The following MAP3K21 variants were observed in gnomAD, a reference collection of about 807,000 sequenced individuals.
MAP3K21 encodes the protein mitogen-activated protein kinase kinase kinase 21.
A neutral mutation model predicts 86.1 loss-of-function variants in MAP3K21; 63 were observed. The ratio of observed to expected loss-of-function variants is 0.73; its 90% CI spans 0.60 to 0.90. MAP3K21 has a LOEUF of 0.90. Ranked by LOEUF, MAP3K21 falls within the 40% of genes least tolerant of loss-of-function variation. The pLI is 0.00. For synonymous variants in MAP3K21, 558 were observed against 564.8 expected (o/e 0.99, Z 0.17); for missense variants, 1,220 against 1,367.7 (o/e 0.89, Z 1.70).
At chr1:233,376,822 A>C (rs1663806588) in intron 8 of MAP3K21, among the ~76,000 whole-genome samples, 1 of 152,208 alleles carries the variant, frequency 6.6e-6, no homozygotes, top group Admixed American at 6.5e-5. Context: ...GGGAAATATT[A>C]GATGTAAAAA....
chr1:233,334,727 G>C (rs1662880271), intron 1 of MAP3K21, among the ~76,000 whole-genome samples: 1 of 152,194 alleles, frequency 6.6e-6, no homozygotes, highest in Non-Finnish European at 1.5e-5. Flanking sequence ...GAGTAGTGTA[G>C]TATGATCTGC....
At chr1:233,333,014 TA>T (rs1249392573) in intron 1 of MAP3K21, among the ~76,000 whole-genome samples, 1 of 152,222 alleles carries the variant, frequency 6.6e-6, no homozygotes, top group Non-Finnish European at 1.5e-5. Flanking sequence ...ACAATAGTTG[TA>T]TTTATTATGA....
chr1:233,368,443 C>G (rs1339459408), intron 5 of MAP3K21, among the ~76,000 whole-genome samples: 1 of 152,002 alleles, frequency 6.6e-6, no homozygotes, highest in Admixed American at 6.6e-5. Context: ...TGCTTGAGCC[C>G]AGGAGTTCAA....
At chr1:233,367,858 T>TC (rs1254981068) in intron 5 of MAP3K21, among the ~76,000 whole-genome samples, 206 of 82,474 alleles carry the variant, frequency 2.5e-3, no homozygotes, top group African/African-American at 8.3e-3. Flanking sequence ...AGACTCCGTC[T>TC]CAAAAAAAAA....
intron 3 of MAP3K21, 39 bp from the exon 4 acceptor site, chr1:233,354,797 G>C (rs2049182): frequency 1.2e-5 from 18 of 1,560,456 alleles, no homozygotes; most frequent in East Asian, 2.2e-5. Flanking sequence ...TCTAAACTGC[G>C]TTGAGAGATG....
rs977617409 is a variant in MAP3K21, at chr1:233,328,005, C to T, written c.-24C>T. 14 of 1,251,464 alleles carry T rather than the reference C, an allele frequency of 1.1e-5. No homozygotes were observed. Among genetic ancestry groups the T allele is most frequent in the Non-Finnish European group, 1.3e-5 (13 of 999,688 alleles). The allele number at this position is 1,251,464 out of a possible 1,614,324, so 77.5% of individuals were successfully genotyped here. Reference sequence around the variant, plus strand: ...GGAGGCTGAGCCCAGCTTCCCGCTCCGCCTTCCCCGCGCAGCTGCCCCCAT... The same window carrying T: ...GGAGGCTGAGCCCAGCTTCCCGCTCTGCCTTCCCCGCGCAGCTGCCCCCAT... On this transcript the variant is annotated 5_prime_UTR_variant, in exon 1 of 10. Transcript: ENST00000366624. The surrounding 1 kb of genome is among the most constrained non-coding windows in gnomAD (Gnocchi z 8.7).
chr1:233,344,193 C>A (rs991431930), intron 1 of MAP3K21, among the ~76,000 whole-genome samples: 1 of 152,210 alleles, frequency 6.6e-6, no homozygotes, highest in African/African-American at 2.4e-5. Context: ...CCCCATCAAG[C>A]TACCAATGAC....
At chr1:233,338,948 T>C (rs1018026557) in intron 1 of MAP3K21, among the ~76,000 whole-genome samples, 6 of 152,166 alleles carry the variant, frequency 3.9e-5, no homozygotes, top group Non-Finnish European at 5.9e-5. Context: ...GCTGAGATTA[T>C]CTAGGGAGTG....
chr1:233,362,806 C>CAA (rs1261426638), intron 5 of MAP3K21, among the ~76,000 whole-genome samples: 1 of 152,032 alleles, frequency 6.6e-6, no homozygotes, highest in East Asian at 1.9e-4. Context: ...CCTTCAGACA[C>CAA]AAAAATCACC....
At chr1:233,334,975 T>TTA (rs59426599) in intron 1 of MAP3K21, among the ~76,000 whole-genome samples, 20 of 148,682 alleles carry the variant, frequency 1.3e-4, no homozygotes, top group Non-Finnish European at 1.9e-4. Context: ...TTTTTTTTTT[T>TTA]ATTATACTTT....
At chr1:233,365,256 A>G (rs1042936588) in intron 5 of MAP3K21, among the ~76,000 whole-genome samples, 3 of 152,142 alleles carry the variant, frequency 2.0e-5, no homozygotes, top group African/African-American at 7.2e-5. Flanking sequence ...CTCAGGCAAC[A>G]AAAAACAAAA....
intron 4 of MAP3K21, among the ~76,000 whole-genome samples, chr1:233,359,407 T>C (rs1663426291): frequency 6.6e-6 from 1 of 151,924 alleles, no homozygotes; most frequent in African/African-American, 2.4e-5. Flanking sequence ...TATATAATGC[T>C]TTTTTTTGGC....
intron 3 of MAP3K21, 74 bp downstream of exon 3, chr1:233,354,029 A>G: frequency 7.4e-7 from 1 of 1,357,748 alleles, no homozygotes; most frequent in Non-Finnish European, 9.6e-7. Flanking sequence ...TAAAAAACAG[A>G]AAAAGCATTT....
intron 2 of MAP3K21, 101 bp downstream of exon 2, chr1:233,346,723 C>T (rs1372352814): frequency 1.0e-6 from 1 of 992,072 alleles, no homozygotes; most frequent in Non-Finnish European, 1.5e-6. Context: ...ATAGTCGAGG[C>T]CTTTTTGAAT....
chr1:233,358,360 T>G (rs945312183), intron 4 of MAP3K21, among the ~76,000 whole-genome samples: 1 of 151,956 alleles, frequency 6.6e-6, no homozygotes, highest in Admixed American at 6.6e-5. Flanking sequence ...CTGGAATAGG[T>G]TTGACATCCT....
intron 5 of MAP3K21, among the ~76,000 whole-genome samples, chr1:233,369,420 G>A (rs930059841): frequency 7.9e-5 from 12 of 151,840 alleles, no homozygotes; most frequent in African/African-American, 2.9e-4. Flanking sequence ...AAATTGAGAC[G>A]TGATATGGGA....
chr1:233,352,996 G>A (rs962787), intron 2 of MAP3K21, among the ~76,000 whole-genome samples: 9,687 of 152,292 alleles, frequency 0.064, 374 homozygotes, highest in Middle Eastern at 0.13. Context: ...TGGTATGGAT[G>A]TGGTATGGAT....
chr1:233,351,268 AC>A (rs1323854566), intron 2 of MAP3K21, among the ~76,000 whole-genome samples: 84 of 152,352 alleles, frequency 5.5e-4, no homozygotes, highest in African/African-American at 1.9e-3. Context: ...GCTAATAGTT[AC>A]AGCATTGTAT....
chr1:233,339,461 CCTCCTTCTCCTTCTT>C (rs1662994085), intron 1 of MAP3K21, among the ~76,000 whole-genome samples: 2 of 88,080 alleles, frequency 2.3e-5, no homozygotes, highest in Admixed American at 3.2e-4. Context: ...TCCTTCTCCT[CCTCCTTCTCCTTCTT>C]CTTCTTCTTC....
Sources: allele counts gnomAD v4.1 joint callset (sites outside exome capture counted in the v4.1 genomes callset), GRCh38; gene constraint gnomAD v4.1.1; non-coding constraint Gnocchi (gnomAD v3.1); transcripts MANE v1.5; gene names NCBI Gene and HGNC (gene_info 2026-07-23, HGNC 2026-07-21).